Variants in CASZ1 observed in about 807,000 individuals in gnomAD.
CASZ1 encodes zinc finger protein castor homolog 1.
In CASZ1, 28 loss-of-function variants were observed where a neutral mutation model predicts 135.2. The ratio of observed to expected loss-of-function variants is 0.21; its 90% CI spans 0.15 to 0.28. CASZ1 has a LOEUF of 0.28. Ranked by LOEUF, CASZ1 falls within the 10% of genes least tolerant of loss-of-function variation. The pLI is 1.00. For synonymous variants in CASZ1, 1,068 were observed against 1,073.4 expected (o/e 0.99, Z 0.10); for missense variants, 2,161 against 2,453.3 (o/e 0.88, Z 2.52).
intron 1 of CASZ1, among the ~76,000 whole-genome samples, chr1:10,792,329 C>A (rs1196678848): frequency 7.0e-4 from 12 of 17,070 alleles, no homozygotes; most frequent in African/African-American, 1.8e-3. Flanking sequence ...TCCCCCCCGC[C>A]CCCCCCCCCC....
At chr1:10,728,467 G>T (rs1346265096) in intron 2 of CASZ1, among the ~76,000 whole-genome samples, 3 of 152,186 alleles carry the variant, frequency 2.0e-5, no homozygotes, top group Non-Finnish European at 4.4e-5. Context: ...TGTCCCACTG[G>T]TTAAATTTTC....
rs61736951 is a variant in CASZ1 at position 10,660,197 on chromosome 1, G to A, written c.845C>T (p.Thr282Met). The change falls in exon 6 of 21, where the codon ACG becomes ATG. Residue 282 changes from threonine (T) to methionine (M), a missense_variant. By Grantham distance (81) the Thr-to-Met change is moderately conservative. Coordinates refer to ENST00000377022, the MANE Select transcript of CASZ1 (RefSeq NM_001079843.3). ...TLPGLRLPSS[T>M]AHLETKATIL... ...GGTGGCCTTGGTCTCCAGGTGGGCC[G>A]TGCTGCTGGGCAGCCGCAGGCCGGG... The A allele has an allele frequency of 7.1e-3, 11,410 of 1,613,252 alleles. 77 individuals are homozygous for A. The highest frequency in any genetic ancestry group is 0.019 in the Middle Eastern group (114 of 6,054).
chr1:10,699,432 T>G lies in CASZ1; in HGVS notation c.-23-5520A>C, dbSNP rs2100427094. ...TCAGAGTCAGTAGAGCCTGGGGATGTGGCATCGGTGGGGGCATAAAGTGAC... is the reference window on the plus strand; with the variant it reads ...TCAGAGTCAGTAGAGCCTGGGGATGGGGCATCGGTGGGGGCATAAAGTGAC... On this transcript the variant is annotated intron_variant, in intron 3 of 20. Transcript: ENST00000377022. The surrounding 1 kb of genome is among the most constrained non-coding windows in gnomAD (Gnocchi z 4.6). 6.6e-6 allele frequency among the ~76,000 whole-genome samples: 1 copy of G among 152,272 alleles called. No homozygotes were observed. Among genetic ancestry groups the G allele is most frequent in the Admixed American group, 6.5e-5 (1 of 15,298 alleles).
At position 10,665,548 on chromosome 1, in the gene CASZ1, G is replaced by T; in HGVS notation, c.40C>A (p.Pro14Thr). The T allele has an allele frequency of 1.3e-6, 2 of 1,575,122 alleles. No homozygotes were observed. The highest frequency in any genetic ancestry group is 1.7e-6 in the Non-Finnish European group (2 of 1,166,694). The change falls in exon 5 of 21, where the codon CCG becomes ACG. Residue 14 changes from proline (P) to threonine (T), a missense_variant. Transcript: ENST00000377022. The part of the protein sequence containing the change: ...GTAEGTRCTD[P>T]PAGKPAMAPK... ...GCCATGGCGGGCTTGCCTGCAGGCGGGTCCGTGCACCGGGTGCCCTCAGCT... is the reference window on the plus strand; with the variant it reads ...GCCATGGCGGGCTTGCCTGCAGGCGTGTCCGTGCACCGGGTGCCCTCAGCT...
At chr1:10,793,025 T>C (rs547376412) in intron 1 of CASZ1, among the ~76,000 whole-genome samples, 14 of 152,124 alleles carry the variant, frequency 9.2e-5, no homozygotes, top group African/African-American at 3.4e-4. Context: ...TCTTTTAAAT[T>C]AAAAAGGGGT....
rs765171550 is a variant in CASZ1 at position 10,776,029 on chromosome 1, C to A, written c.-233-15172G>T. Among the ~76,000 whole-genome samples, 2 of 152,204 alleles carry A rather than the reference C, an allele frequency of 1.3e-5. No homozygotes were observed. The highest frequency in any genetic ancestry group is 4.8e-5 in the African/African-American group (2 of 41,456). On this transcript the variant is annotated intron_variant, in intron 1 of 20. Transcript: ENST00000377022. This position sits in a 1 kb window ranked among gnomAD's most constrained non-coding sequence, Gnocchi z 4.1. ...CAAGTCCCCATCAGTGGGGTCTGCT[C>A]GGTCCCTGTAGCTAATTTACACCCG...
At chr1:10,736,533 C>T (rs760147129) in intron 2 of CASZ1, among the ~76,000 whole-genome samples, 1 of 152,206 alleles carries the variant, frequency 6.6e-6, no homozygotes, top group Non-Finnish European at 1.5e-5. Context: ...TTAAGAAACG[C>T]TGGCAACACT....
At position 10,699,477 on chromosome 1, in the gene CASZ1, G is replaced by C. The variant is rs1639014317; in HGVS notation, c.-23-5565C>G. On this transcript the variant is annotated intron_variant, in intron 3 of 20. Transcript: ENST00000377022. This position sits in a 1 kb window ranked among gnomAD's most constrained non-coding sequence, Gnocchi z 4.6. ...AGTGACCCAAGGTCTGAAAGCCAAG[G>C]TAGGTTGTTGGGTGGGCAGCTGGCA... is the stretch of plus-strand genomic sequence containing the variant. Among the ~76,000 whole-genome samples the C allele has an allele frequency of 6.6e-6, 1 of 152,204 alleles. No homozygotes were observed. Among genetic ancestry groups the C allele is most frequent in the East Asian group, 1.9e-4 (1 of 5,194 alleles).
At position 10,755,400 on chromosome 1, in the gene CASZ1, T is replaced by G. The variant is rs1640232511; in HGVS notation, c.-77+5301A>C. ...ACGTCGCCTCTCCAATGCCAGCCTC[T>G]CTCACTGTGGGCACTCAGGGACAGA... On this transcript the variant is annotated intron_variant, in intron 2 of 20. Coordinates refer to ENST00000377022, the MANE Select transcript of CASZ1 (RefSeq NM_001079843.3). This position sits in a 1 kb window ranked among gnomAD's most constrained non-coding sequence, Gnocchi z 4.3. 6.6e-6 allele frequency among the ~76,000 whole-genome samples: 1 copy of G among 152,044 alleles called. No individual in the cohort carries two copies. Among genetic ancestry groups the G allele is most frequent in the South Asian group, 2.1e-4 (1 of 4,808 alleles).
In CASZ1 at chr1:10,649,372, G is replaced by A. The variant is rs763933631; in HGVS notation, c.2946C>T (p.Pro982=). 1.6e-5 allele frequency: 26 copies of A among 1,606,918 alleles called. No individual in the cohort carries two copies. Among genetic ancestry groups the A allele is most frequent in the East Asian group, 2.2e-5 (1 of 44,584 alleles). ...LNIKAEAEGS[P]AAEPSPFLGK... is the part of the protein sequence containing the mutation. ...CTAGGAAGGGCGAGGGCTCCGCAGC[G>A]GGGCTCCCCTCCGCTTCCGCCTTGA... Residue 982 remains proline, a synonymous_variant, in exon 14 of 21, where the codon CCC becomes CCT. Transcript: ENST00000377022.
At chr1:10,758,487 A>G (rs1485529369) in intron 2 of CASZ1, among the ~76,000 whole-genome samples, 1 of 152,058 alleles carries the variant, frequency 6.6e-6, no homozygotes, top group Non-Finnish European at 1.5e-5. Context: ...ATGCACCACT[A>G]TACACGGCTA....
chr1:10,737,213 A>G (rs907801247), intron 2 of CASZ1, among the ~76,000 whole-genome samples: 4 of 152,180 alleles, frequency 2.6e-5, no homozygotes, highest in Admixed American at 6.5e-5. Context: ...CGTTCCCACA[A>G]CCTGCTGGCT....
chr1:10,727,757 A>C lies in CASZ1; in HGVS notation c.-76-22213T>G, dbSNP rs753101710. Among the ~76,000 whole-genome samples, 23 of 152,208 alleles carry C rather than the reference A, an allele frequency of 1.5e-4. No individual in the cohort carries two copies. The highest frequency in any genetic ancestry group is 2.5e-4 in the Non-Finnish European group (17 of 68,034). On this transcript the variant is annotated intron_variant, in intron 2 of 20. Transcript: ENST00000377022. The surrounding 1 kb of genome is among the most constrained non-coding windows in gnomAD (Gnocchi z 5.3). ...TCACCTCGTTCCTGATCAGAGGCTG[A>C]GGAAGGCCAGGCAGCAGCTGCCAGG...
intron 4 of CASZ1, among the ~76,000 whole-genome samples, chr1:10,689,100 G>A (rs1228770051): frequency 6.6e-6 from 1 of 152,170 alleles, no homozygotes; most frequent in Non-Finnish European, 1.5e-5. Context: ...GGGGGCATGG[G>A]GGGTGGGCCA....
At chr1:10,750,993 C>T (rs764354263) in intron 2 of CASZ1, among the ~76,000 whole-genome samples, 5 of 151,580 alleles carry the variant, frequency 3.3e-5, no homozygotes, top group Non-Finnish European at 5.9e-5. Flanking sequence ...AGAGCTGCTG[C>T]GTGTGGAGTG....
Position 10,747,083 on chromosome 1 carries a change from C to T in CASZ1, c.-77+13618G>A, listed in dbSNP as rs1456273506. Among the ~76,000 whole-genome samples, 2 of 152,236 alleles carry T rather than the reference C, an allele frequency of 1.3e-5. No individual in the cohort carries two copies. Among genetic ancestry groups the T allele is most frequent in the African/African-American group, 4.8e-5 (2 of 41,454 alleles). Reference sequence around the variant, plus strand: ...TGGAGTGACAAATGGCATGTGATGGCCACCCAGTTGGCAGTGCCATTCCCC... The same window carrying T: ...TGGAGTGACAAATGGCATGTGATGGTCACCCAGTTGGCAGTGCCATTCCCC... On this transcript the variant is annotated intron_variant, in intron 2 of 20. Coordinates refer to ENST00000377022, the MANE Select transcript of CASZ1 (RefSeq NM_001079843.3). This position sits in a 1 kb window ranked among gnomAD's most constrained non-coding sequence, Gnocchi z 4.3.
chr1:10,665,671 C>G, intron 4 of CASZ1, 100 bp from the exon 5 acceptor site: 1 of 1,337,416 alleles, frequency 7.5e-7, no homozygotes, highest in Non-Finnish European at 9.9e-7. Flanking sequence ...CAGGCCTCCC[C>G]CATTGACCAC....
Position 10,794,871 on chromosome 1 carries a change from C to T in CASZ1, c.-234+1693G>A, listed in dbSNP as rs1244594180. On this transcript the variant is annotated intron_variant, in intron 1 of 20. Transcript: ENST00000377022. This position sits in a 1 kb window ranked among gnomAD's most constrained non-coding sequence, Gnocchi z 5.6. Reference sequence around the variant, plus strand: ...AGACATTCGCCCAAACGCTCCGCAGCGGCCCAGCAACCGCCCGCCCGCCCG... The same window carrying T: ...AGACATTCGCCCAAACGCTCCGCAGTGGCCCAGCAACCGCCCGCCCGCCCG... Among the ~76,000 whole-genome samples the T allele has an allele frequency of 6.6e-6, 1 of 151,464 alleles. No homozygotes were observed. The highest frequency in any genetic ancestry group is 2.4e-5 in the African/African-American group (1 of 41,380).
intron 18 of CASZ1, among the ~76,000 whole-genome samples, chr1:10,644,668 C>T (rs192674627): frequency 3.8e-4 from 58 of 152,252 alleles, no homozygotes; most frequent in East Asian, 1.7e-3. Context: ...GGTCCCAGGG[C>T]GGCTGTCTGG....
Sources: allele counts gnomAD v4.1 joint callset (sites outside exome capture counted in the v4.1 genomes callset), GRCh38; gene constraint gnomAD v4.1.1; non-coding constraint Gnocchi (gnomAD v3.1); transcripts MANE v1.5; gene names NCBI Gene and HGNC (gene_info 2026-07-23, HGNC 2026-07-21).